Variants in SAMD12 observed in about 807,000 individuals in gnomAD.
SAMD12 encodes the protein sterile alpha motif domain-containing protein 12.
SAMD12 carries 9 observed loss-of-function variants against 15.0 expected under a neutral mutation model. The ratio of observed to expected loss-of-function variants is 0.60; its 90% CI spans 0.36 to 1.05. The LOEUF is 1.05. SAMD12 is among the 50% of genes least tolerant of loss of function. The pLI, the probability that SAMD12 is intolerant of heterozygous loss-of-function variation, is 0.01. For synonymous variants in SAMD12, 86 were observed against 90.1 expected (o/e 0.96, Z 0.25); for missense variants, 230 against 234.2 (o/e 0.98, Z 0.12).
chr8:118,243,235 T>C (rs1418851307), intron 4 of SAMD12, among the ~76,000 whole-genome samples: 3 of 152,162 alleles, frequency 2.0e-5, no homozygotes, highest in Non-Finnish European at 4.4e-5. Context: ...GGATTGCATA[T>C]ATATCCACAC....
At chr8:118,322,113 A>C (rs1816316519) in intron 4 of SAMD12, among the ~76,000 whole-genome samples, 1 of 152,030 alleles carries the variant, frequency 6.6e-6, no homozygotes, top group Admixed American at 6.6e-5. Context: ...GGTGTCTCTG[A>C]AATAGGCCTC....
chr8:118,210,487 GATAC>G (rs770689319), intron 4 of SAMD12, among the ~76,000 whole-genome samples: 43 of 152,298 alleles, frequency 2.8e-4, no homozygotes, highest in South Asian at 4.1e-4. Flanking sequence ...ACAAATCCCA[GATAC>G]ATTTACTAAT....
chr8:118,387,315 C>T (rs996192836), intron 3 of SAMD12, among the ~76,000 whole-genome samples: 1 of 152,116 alleles, frequency 6.6e-6, no homozygotes, highest in East Asian at 1.9e-4. Flanking sequence ...GGGATGAAAA[C>T]CACACTATCT....
intron 3 of SAMD12, among the ~76,000 whole-genome samples, chr8:118,395,774 C>T (rs867219988): frequency 2.0e-5 from 3 of 151,982 alleles, no homozygotes; most frequent in African/African-American, 7.3e-5. Context: ...CCGGCTAACA[C>T]GGTGAAACCC....
chr8:118,337,625 C>G (rs1817149102), intron 4 of SAMD12, among the ~76,000 whole-genome samples: 1 of 152,180 alleles, frequency 6.6e-6, no homozygotes, highest in South Asian at 2.1e-4. Flanking sequence ...CATGCTGTCC[C>G]AAAGAGGGAC....
At chr8:118,580,613 T>C (rs187132029) in intron 2 of SAMD12, 102 bp downstream of exon 2, 16 of 756,348 alleles carry the variant, frequency 2.1e-5, no homozygotes, top group Admixed American at 9.2e-5. Context: ...ACAGATACAA[T>C]GGTAATTAGT....
At chr8:118,456,899 A>T (rs1227267949) in intron 2 of SAMD12, among the ~76,000 whole-genome samples, 1 of 151,954 alleles carries the variant, frequency 6.6e-6, no homozygotes, top group African/African-American at 2.4e-5. Context: ...ACTCAGCCTG[A>T]CTCTGCTCAA....
At chr8:118,199,117 G>C (rs1230145591) in intron 4 of SAMD12, among the ~76,000 whole-genome samples, 1 of 152,080 alleles carries the variant, frequency 6.6e-6, no homozygotes, top group Non-Finnish European at 1.5e-5. Context: ...ACAATATAAA[G>C]CTTATATATA....
At chr8:118,164,940 C>T in the SAMD12 span, among the ~76,000 whole-genome samples, 1 of 151,050 alleles carries the variant, frequency 6.6e-6, no homozygotes, top group Non-Finnish European at 1.5e-5. Context: ...ACTCTAAACT[C>T]ATATTCTCAG....
At chr8:118,229,880 C>T (rs962243811) in intron 4 of SAMD12, among the ~76,000 whole-genome samples, 2 of 152,118 alleles carry the variant, frequency 1.3e-5, no homozygotes, top group African/African-American at 4.8e-5. Flanking sequence ...GCCCAATTAT[C>T]TACATTTATT....
At chr8:118,577,866 T>TA (rs1158293741) in intron 2 of SAMD12, among the ~76,000 whole-genome samples, 2 of 152,120 alleles carry the variant, frequency 1.3e-5, no homozygotes, top group African/African-American at 2.4e-5. Context: ...AGCGTAATAC[T>TA]AACCCAACAA....
At chr8:118,501,018 G>A (rs764261664) in intron 2 of SAMD12, among the ~76,000 whole-genome samples, 28 of 152,072 alleles carry the variant, frequency 1.8e-4, no homozygotes, top group Non-Finnish European at 2.9e-4. Flanking sequence ...ACAGCCACCC[G>A]GTAGATGTGG....
chr8:118,570,205 C>A (rs1361204801), intron 2 of SAMD12, among the ~76,000 whole-genome samples: 5 of 151,866 alleles, frequency 3.3e-5, no homozygotes. Context: ...CTTATTCAGG[C>A]AATCAGAGAC....
intron 4 of SAMD12, among the ~76,000 whole-genome samples, chr8:118,326,792 T>C (rs2130479324): frequency 6.6e-6 from 1 of 152,310 alleles, no homozygotes; most frequent in Admixed American, 6.5e-5. Flanking sequence ...AGGTGCTTCA[T>C]CTAATTAAAA....
At chr8:118,238,668 G>A (rs895353330) in intron 4 of SAMD12, among the ~76,000 whole-genome samples, 1 of 152,072 alleles carries the variant, frequency 6.6e-6, no homozygotes, top group African/African-American at 2.4e-5. Context: ...ACCATGGAAA[G>A]GACACATGCA....
At chr8:118,212,541 C>T (rs1811859834) in intron 4 of SAMD12, among the ~76,000 whole-genome samples, 1 of 152,140 alleles carries the variant, frequency 6.6e-6, no homozygotes, top group African/African-American at 2.4e-5. Flanking sequence ...CCTTCATCTA[C>T]TTGTAATAAC....
At chr8:118,552,987 C>A (rs1293558257) in intron 2 of SAMD12, among the ~76,000 whole-genome samples, 1 of 151,966 alleles carries the variant, frequency 6.6e-6, no homozygotes, top group African/African-American at 2.4e-5. Flanking sequence ...ACATGAAGGA[C>A]CTCTTCAAGG....
intron 2 of SAMD12, among the ~76,000 whole-genome samples, chr8:118,465,993 G>A (rs1396088721): frequency 1.3e-5 from 2 of 152,104 alleles, no homozygotes; most frequent in Non-Finnish European, 2.9e-5. Flanking sequence ...TGATCACCTA[G>A]TGGTAACTAA....
chr8:118,372,902 C>G (rs1373422632), intron 4 of SAMD12, among the ~76,000 whole-genome samples: 1 of 152,044 alleles, frequency 6.6e-6, no homozygotes, highest in East Asian at 1.9e-4. Flanking sequence ...CTCCAGAAGT[C>G]AAAGAAGTCA....
Sources: allele counts gnomAD v4.1 joint callset (sites outside exome capture counted in the v4.1 genomes callset), GRCh38; gene constraint gnomAD v4.1.1; transcripts MANE v1.5; gene names NCBI Gene and HGNC (gene_info 2026-07-23, HGNC 2026-07-21).